The following DYNLT1 variants were observed in gnomAD, a reference collection of about 807,000 sequenced individuals.
DYNLT1 encodes the protein T-complex testis-specific protein 1 homolog.
A neutral mutation model predicts 19.6 loss-of-function variants in DYNLT1; 18 were observed. That is an observed-to-expected ratio of 0.92 (90% confidence interval 0.64 to 1.36). The LOEUF (loss-of-function observed/expected upper bound fraction) is 1.36. DYNLT1 is among the 40% of genes most tolerant of loss of function. The pLI is 0.00. For synonymous variants in DYNLT1, 56 were observed against 44.0 expected, an observed-to-expected ratio of 1.27 and a Z score of -1.07; for missense variants, 137 against 139.3, an observed-to-expected ratio of 0.98 and a Z score of 0.08.
intron 2 of DYNLT1, among the ~76,000 whole-genome samples, chr6:158,640,723 C>T (rs1434564627): frequency 2.0e-5 from 3 of 152,222 alleles, no homozygotes; most frequent in Non-Finnish European, 4.4e-5. Flanking sequence ...ACTTACCACA[C>T]AGCAAATGCA....
intron 2 of DYNLT1, among the ~76,000 whole-genome samples, chr6:158,638,462 T>C (rs1048143572): frequency 2.2e-4 from 33 of 152,224 alleles, no homozygotes; most frequent in African/African-American, 8.0e-4. Flanking sequence ...GGGTGTCATG[T>C]TGCCCAGGCT....
intron 1 of DYNLT1, among the ~76,000 whole-genome samples, chr6:158,644,212 C>T (rs1787264106): frequency 6.6e-6 from 1 of 151,930 alleles, no homozygotes; most frequent in Admixed American, 6.5e-5. Context: ...GAGGGGCTGG[C>T]GGCGGGAGCG....
chr6:158,640,722 A>T (rs1787118091), intron 2 of DYNLT1, among the ~76,000 whole-genome samples: 2 of 152,200 alleles, frequency 1.3e-5, no homozygotes, highest in Non-Finnish European at 2.9e-5. Flanking sequence ...CACTTACCAC[A>T]CAGCAAATGC....
At position 158,641,378 on chromosome 6, in the gene DYNLT1, C is replaced by A. The variant is rs780112162; in HGVS notation, c.28-18G>T. The A allele has an allele frequency of 1.3e-6, 2 of 1,582,156 alleles. No homozygotes were observed. Among genetic ancestry groups the A allele is most frequent in the Non-Finnish European group, 1.7e-6 (2 of 1,167,628 alleles). ...AAAGCAGTCTGTAAGGAAGAACATT[C>A]AGTTAAGTTTGATTTATTTAAAAGA... On this transcript the variant is annotated intron_variant, in intron 1 of 4. Transcript: ENST00000367089.
At chr6:158,639,546 A>G (rs1787091716) in intron 2 of DYNLT1, among the ~76,000 whole-genome samples, 1 of 152,160 alleles carries the variant, frequency 6.6e-6, no homozygotes, top group Non-Finnish European at 1.5e-5. Context: ...CAAATTGACT[A>G]CTACCCAATA....
Position 158,644,676 on chromosome 6 carries a change from G to A in DYNLT1, c.27+6C>T, listed in dbSNP as rs369673263. The A allele has an allele frequency of 6.8e-6, 11 of 1,612,096 alleles. No homozygotes were observed. The highest frequency in any genetic ancestry group is 1.7e-5 in the Admixed American group (1 of 60,016). Reference sequence around the variant, plus strand: ...TCCACCCTTCCGTCGCCGACCCGGCGGTTACCTCCTCCGCAGCCTGGTAGT... The same window carrying A: ...TCCACCCTTCCGTCGCCGACCCGGCAGTTACCTCCTCCGCAGCCTGGTAGT... On this transcript the variant is annotated splice_donor_region_variant and intron_variant, in intron 1 of 4. Transcript: ENST00000367089.
At chr6:158,638,980 C>G (rs1787080638) in intron 2 of DYNLT1, among the ~76,000 whole-genome samples, 1 of 152,126 alleles carries the variant, frequency 6.6e-6, no homozygotes, top group African/African-American at 2.4e-5. Context: ...GTGCTGGAAA[C>G]CAGGAACCTG....
intron 2 of DYNLT1, 105 bp from the exon 3 acceptor site, chr6:158,637,999 T>C (rs1787054453): frequency 2.0e-6 from 3 of 1,519,842 alleles, no homozygotes; most frequent in Non-Finnish European, 2.6e-6. Context: ...GAAAAGTTTA[T>C]TTTTAATCAT....
At position 158,636,686 on chromosome 6, in the gene DYNLT1, T is replaced by C; in HGVS notation, c.*141A>G. ...GACTTCGGTGCCATTCACATCACAG[T>C]GCGGTCATTTGGTTTTTTCCTCTAC... On this transcript the variant is annotated 3_prime_UTR_variant, in exon 5 of 5. Coordinates refer to ENST00000367089, the MANE Select transcript of DYNLT1 (RefSeq NM_006519.4). The C allele has an allele frequency of 1.1e-6, 1 of 915,166 alleles. No homozygotes were observed. Among genetic ancestry groups the C allele is most frequent in the Non-Finnish European group, 1.6e-6 (1 of 606,386 alleles). The allele number at this position is 915,166 out of a possible 1,614,324, so 56.7% of individuals were successfully genotyped here.
Position 158,636,848 on chromosome 6 carries a change from A to G in DYNLT1, c.321T>C (p.Ser107=). The G allele has an allele frequency of 6.2e-7, 1 of 1,612,636 alleles. No homozygotes were observed. The highest frequency in any genetic ancestry group is 2.2e-5 in the East Asian group (1 of 44,866). The change falls in exon 5 of 5, where the codon AGT becomes AGC. Residue 107 remains serine (S), a synonymous_variant. Coordinates refer to ENST00000367089, the MANE Select transcript of DYNLT1 (RefSeq NM_006519.4). ...WENKTMYCIV[S]AFGLSI ...CAGGTCAAATAGACAGTCCGAAGGC[A>G]CTGACGATGCAGTACATGGTCTTAT... is the stretch of plus-strand genomic sequence containing the variant.
At chr6:158,644,352 G>A (rs965056063) in intron 1 of DYNLT1, among the ~76,000 whole-genome samples, 1 of 152,086 alleles carries the variant, frequency 6.6e-6, no homozygotes, top group Non-Finnish European at 1.5e-5. Context: ...CATCCTCTCG[G>A]CGAGCTTGGC....
Position 158,636,719 on chromosome 6 carries a change from A to C in DYNLT1, c.*108T>G. ...TTTGGTTTTTTCCTCTACATTGTGAAAGTGCCACAAAACAAAGAGAATGAG... is the reference window on the plus strand; with the variant it reads ...TTTGGTTTTTTCCTCTACATTGTGACAGTGCCACAAAACAAAGAGAATGAG... On this transcript the variant is annotated 3_prime_UTR_variant, in exon 5 of 5. Transcript: ENST00000367089. The C allele has an allele frequency of 1.5e-6, 2 of 1,316,174 alleles. No homozygotes were observed. Among genetic ancestry groups the C allele is most frequent in the East Asian group, 2.5e-5 (1 of 39,234 alleles). The allele number at this position is 1,316,174 out of a possible 1,614,324, so 81.5% of individuals were successfully genotyped here. A position where few individuals can be genotyped will look rare whatever the true frequency, so the allele number is the denominator to read the frequency against.
chr6:158,640,287 C>T (rs1000349597), intron 2 of DYNLT1, among the ~76,000 whole-genome samples: 2 of 152,172 alleles, frequency 1.3e-5, no homozygotes, highest in African/African-American at 4.8e-5. Context: ...ACATAGGTTG[C>T]GGTTTTTTAT....
At chr6:158,644,597 G>A in intron 1 of DYNLT1, 85 bp downstream of exon 1, 3 of 1,545,672 alleles carry the variant, frequency 1.9e-6, no homozygotes, top group Non-Finnish European at 1.8e-6. Context: ...GAGGTGGGCA[G>A]CCAGGCCTTT....
intron 1 of DYNLT1, chr6:158,641,575 T>C (rs1433641544): frequency 2.8e-6 from 1 of 363,544 alleles, no homozygotes; most frequent in Middle Eastern, 7.5e-4. Flanking sequence ...GTTTTATTTT[T>C]ATTTATTTAT....
In DYNLT1 at chr6:158,644,322, A is replaced by AG. The variant is rs1787277385; in HGVS notation, c.27+359dup. Among the ~76,000 whole-genome samples, 4 of 151,980 alleles carry AG rather than the reference A, an allele frequency of 2.6e-5. 1 individual carries two copies. The South Asian group carries it at 8.3e-4, about 32-fold the overall frequency. ...GGGCTGGGGCTGGGGTCAGCCCCGC[A>AG]GAGCAAGGGGCGGTGATGTCATCCT... On this transcript the variant is annotated intron_variant, in intron 1 of 4. Coordinates refer to ENST00000367089, the MANE Select transcript of DYNLT1 (RefSeq NM_006519.4).
At chr6:158,643,484 T>C (rs1345537474) in intron 1 of DYNLT1, among the ~76,000 whole-genome samples, 1 of 151,988 alleles carries the variant, frequency 6.6e-6, no homozygotes, top group African/African-American at 2.4e-5. Context: ...ATTTTTTTCT[T>C]TTTTTTTGGT....
Position 158,644,702 on chromosome 6 carries a change from C to T in DYNLT1, c.7G>A (p.Asp3Asn), listed in dbSNP as rs1436192211. The change falls in exon 1 of 5, where the codon GAC (aspartate) becomes AAC (asparagine). Residue 3 changes from aspartate (D) to asparagine (N), a missense_variant. Physicochemically the swap from Asp to Asn is conservative, Grantham distance 23. Transcript: ENST00000367089. The part of the protein sequence containing the change: ME[D>N]YQAAEETAFV... ...GTTACCTCCTCCGCAGCCTGGTAGT[C>T]TTCCATCTTTCCTCCGGCGCGTCCC... 2.5e-6 allele frequency: 4 copies of T among 1,611,824 alleles called. No individual in the cohort carries two copies. Among genetic ancestry groups the T allele is most frequent in the Middle Eastern group, 1.6e-4 (1 of 6,084 alleles).
rs575742801 is a variant in DYNLT1 at position 158,641,956 on chromosome 6, A to C, written c.28-596T>G. The C allele has an allele frequency of 3.3e-5, 5 of 152,352 alleles. 1 individual carries two copies. Among genetic ancestry groups the C allele is most frequent in the African/African-American group, 9.6e-5 (4 of 41,566 alleles). The allele number at this position is 152,352 out of a possible 1,614,324, so 9.4% of individuals were successfully genotyped here. ...TTCTTCCATTTCAACTGGCTGCTAG[A>C]ATCATTAACCAATAGAGAGGCTTAA... On this transcript the variant is annotated intron_variant, in intron 1 of 4. Transcript: ENST00000367089.
Sources: allele counts gnomAD v4.1 joint callset (sites outside exome capture counted in the v4.1 genomes callset), GRCh38; gene constraint gnomAD v4.1.1; transcripts MANE v1.5; gene names NCBI Gene and HGNC (gene_info 2026-07-23, HGNC 2026-07-21).